The following SPIDR variants were observed in gnomAD, a reference collection of about 807,000 sequenced individuals.
The protein encoded by SPIDR is scaffold protein involved in DNA repair, also known as DNA repair-scaffolding protein.
A neutral mutation model predicts 104.6 loss-of-function variants in SPIDR; 93 were observed. That is an observed-to-expected ratio of 0.89 (90% CI 0.75 to 1.06). The LOEUF (loss-of-function observed/expected upper bound fraction) is 1.06, where lower values mean the gene tolerates loss of function less well. SPIDR is among the 50% of genes least tolerant of loss of function. SPIDR has a pLI of 0.00. For missense variants in SPIDR, 1,154 were observed against 1,111.2 expected (o/e 1.04, Z -0.55); for synonymous variants, 431 against 416.9 (o/e 1.03, Z -0.41).
At chr8:47,521,928 C>T (rs1341913802) in intron 8 of SPIDR, among the ~76,000 whole-genome samples, 2 of 151,292 alleles carry the variant, frequency 1.3e-5, no homozygotes, top group Admixed American at 6.6e-5. Flanking sequence ...CTTGGGGAGG[C>T]GGAGGCGGGT....
At chr8:47,322,862 C>G (rs1251935590) in intron 5 of SPIDR, among the ~76,000 whole-genome samples, 2 of 152,024 alleles carry the variant, frequency 1.3e-5, no homozygotes, top group Non-Finnish European at 2.9e-5. Flanking sequence ...AGCGCATGTT[C>G]TCACTCATAG....
chr8:47,367,082 G>A (rs2057327934), intron 5 of SPIDR, among the ~76,000 whole-genome samples: 1 of 152,190 alleles, frequency 6.6e-6, no homozygotes, highest in African/African-American at 2.4e-5. Context: ...TTTATTGTCA[G>A]TGGGCTTGAC....
At chr8:47,692,910 A>C (rs1359839803) in intron 11 of SPIDR, among the ~76,000 whole-genome samples, 1 of 152,170 alleles carries the variant, frequency 6.6e-6, no homozygotes, top group Non-Finnish European at 1.5e-5. Flanking sequence ...TGTGGATGTC[A>C]GTTCTCAGTT....
intron 11 of SPIDR, among the ~76,000 whole-genome samples, chr8:47,676,510 TTC>T (rs1051901219): frequency 1.6e-5 from 2 of 127,040 alleles, no homozygotes; most frequent in African/African-American, 4.9e-5. Flanking sequence ...AAACACAACA[TTC>T]TCTCTCTTTT....
intron 10 of SPIDR, 30 bp downstream of exon 10, chr8:47,599,226 A>T: frequency 6.2e-7 from 1 of 1,609,490 alleles, no homozygotes; most frequent in Non-Finnish European, 8.5e-7. Context: ...TGTGGGGCAG[A>T]GGTGAAGAGT....
chr8:47,509,608 CAA>C, intron 8 of SPIDR, among the ~76,000 whole-genome samples: 1 of 152,202 alleles, frequency 6.6e-6, no homozygotes, highest in South Asian at 2.1e-4. Flanking sequence ...ATCTAACAGA[CAA>C]AAAAGCAAGT....
chr8:47,560,411 C>G (rs1310926429), intron 8 of SPIDR, among the ~76,000 whole-genome samples: 2 of 152,150 alleles, frequency 1.3e-5, no homozygotes, highest in Non-Finnish European at 2.9e-5. Context: ...CCTGGTGTGC[C>G]CTTTTCCCTT....
At chr8:47,656,317 A>G (rs2072801616) in intron 10 of SPIDR, among the ~76,000 whole-genome samples, 1 of 152,244 alleles carries the variant, frequency 6.6e-6, no homozygotes, top group African/African-American at 2.4e-5. Flanking sequence ...TTACTACTCA[A>G]CAATAAAAAG....
At chr8:47,651,390 G>A (rs530605908) in intron 10 of SPIDR, among the ~76,000 whole-genome samples, 2 of 152,080 alleles carry the variant, frequency 1.3e-5, no homozygotes, top group Admixed American at 6.5e-5. Flanking sequence ...AATTAAAACC[G>A]CAGTGAGATA....
intron 5 of SPIDR, among the ~76,000 whole-genome samples, chr8:47,394,856 G>A (rs1306184558): frequency 6.6e-6 from 1 of 152,108 alleles, no homozygotes; most frequent in African/African-American, 2.4e-5. Context: ...TGCCCCAATG[G>A]TTACTAATGG....
chr8:47,415,609 A>C (rs1170634754), intron 7 of SPIDR, among the ~76,000 whole-genome samples: 2 of 152,170 alleles, frequency 1.3e-5, no homozygotes, highest in Admixed American at 1.3e-4. Flanking sequence ...GTAGAGAGCT[A>C]GCTCATCCTT....
intron 8 of SPIDR, among the ~76,000 whole-genome samples, chr8:47,521,956 G>T (rs1213323114): frequency 2.0e-5 from 3 of 151,348 alleles, no homozygotes; most frequent in Non-Finnish European, 4.4e-5. Flanking sequence ...TTGAGGTCAG[G>T]AGTTCGAGAC....
chr8:47,561,180 C>T (rs1461936631), intron 8 of SPIDR, among the ~76,000 whole-genome samples: 2 of 152,164 alleles, frequency 1.3e-5, no homozygotes, highest in Non-Finnish European at 2.9e-5. Context: ...TCCTCCATGG[C>T]GCATATGTTC....
intron 11 of SPIDR, among the ~76,000 whole-genome samples, chr8:47,684,126 CA>C (rs748328609): frequency 0.034 from 1,278 of 38,114 alleles, 2 homozygotes; most frequent in South Asian, 0.045. Flanking sequence ...GACTCTGTCT[CA>C]AAAAAAAAAA....
intron 3 of SPIDR, among the ~76,000 whole-genome samples, chr8:47,290,007 A>G (rs979236711): frequency 6.6e-6 from 1 of 152,142 alleles, no homozygotes; most frequent in African/African-American, 2.4e-5. Flanking sequence ...CCAATTCTAA[A>G]AAGTTACATA....
At chr8:47,377,569 T>C (rs1055370732) in intron 5 of SPIDR, among the ~76,000 whole-genome samples, 1 of 152,186 alleles carries the variant, frequency 6.6e-6, no homozygotes, top group Non-Finnish European at 1.5e-5. Flanking sequence ...GTCCTAACAG[T>C]TGAGGATTTT....
chr8:47,274,010 C>A (rs971932990), intron 1 of SPIDR, among the ~76,000 whole-genome samples: 49 of 152,002 alleles, frequency 3.2e-4, no homozygotes, highest in Non-Finnish European at 5.4e-4. Context: ...CTAAGTGACC[C>A]CATTCTCAAG....
At chr8:47,584,205 A>AC (rs571610127) in intron 8 of SPIDR, among the ~76,000 whole-genome samples, 419 of 152,146 alleles carry the variant, frequency 2.8e-3, no homozygotes, top group African/African-American at 9.9e-3. Flanking sequence ...CATACTTTAA[A>AC]CTCATTCAGA....
chr8:47,552,587 CT>C (rs1394446708), intron 8 of SPIDR, among the ~76,000 whole-genome samples: 2 of 151,134 alleles, frequency 1.3e-5, no homozygotes, highest in Admixed American at 6.6e-5. Context: ...GCAACCCCTG[CT>C]TTTTTTTTGT....
Sources: gnomAD v4.1 joint callset for allele counts (sites outside exome capture counted in the v4.1 genomes callset) on GRCh38, gnomAD v4.1.1 for gene constraint, MANE v1.5 for transcripts, NCBI Gene and HGNC (gene_info 2026-07-23, HGNC 2026-07-21) for gene names.